The following NRXN1 variants were observed in gnomAD, a reference collection of about 807,000 sequenced individuals.
The protein encoded by NRXN1 is neurexin 1.
Under a neutral mutation model 150.9 loss-of-function variants are expected in NRXN1, and 39 were observed. The ratio of observed to expected loss-of-function variants is 0.26; its 90% CI spans 0.20 to 0.34. The LOEUF (loss-of-function observed/expected upper bound fraction) is 0.34. NRXN1 is among the 10% of genes least tolerant of loss of function. The probability of loss-of-function intolerance (pLI) is 1.00; values close to 1 mark genes in which losing one functional copy is unlikely to be tolerated. For missense variants in NRXN1, 1,815 were observed against 1,949.9 expected (o/e 0.93, Z 1.30); for synonymous variants, 924 against 757.0 (o/e 1.22, Z -3.62).
intron 18 of NRXN1, among the ~76,000 whole-genome samples, chr2:50,173,956 T>C (rs1318864394): frequency 1.3e-5 from 2 of 152,120 alleles, no homozygotes; most frequent in Non-Finnish European, 2.9e-5. Context: ...TTAACATGCA[T>C]ATGCACTAAG....
At chr2:50,876,946 TATA>T (rs1411072631) in intron 5 of NRXN1, among the ~76,000 whole-genome samples, 1 of 151,912 alleles carries the variant, frequency 6.6e-6, no homozygotes, top group Non-Finnish European at 1.5e-5. Flanking sequence ...GTTAAAATCT[TATA>T]ATATTTTTAA....
chr2:50,333,404 T>G (rs2076958455), intron 17 of NRXN1, among the ~76,000 whole-genome samples: 1 of 152,128 alleles, frequency 6.6e-6, no homozygotes, highest in Non-Finnish European at 1.5e-5. Context: ...TGTGTAAACC[T>G]TGAAATCTCT....
intron 19 of NRXN1, among the ~76,000 whole-genome samples, chr2:50,056,677 T>A (rs956114345): frequency 6.6e-6 from 1 of 152,110 alleles, no homozygotes; most frequent in Non-Finnish European, 1.5e-5. Flanking sequence ...TATGCATATT[T>A]GGAATTTTTT....
chr2:51,020,305 G>A (rs1415731686), intron 2 of NRXN1, among the ~76,000 whole-genome samples: 3 of 151,562 alleles, frequency 2.0e-5, no homozygotes, highest in Middle Eastern at 6.9e-3. Flanking sequence ...TATAATTGCT[G>A]CCTTAAAGCA....
At chr2:50,638,005 T>C (rs186819513) in intron 5 of NRXN1, among the ~76,000 whole-genome samples, 1 of 152,316 alleles carries the variant, frequency 6.6e-6, no homozygotes, top group African/African-American at 2.4e-5. Flanking sequence ...AAGCTTTATT[T>C]CAATTGTGCA....
chr2:50,520,032 C>T (rs1573374231), intron 12 of NRXN1, among the ~76,000 whole-genome samples: 1 of 151,784 alleles, frequency 6.6e-6, no homozygotes, highest in Non-Finnish European at 1.5e-5. Flanking sequence ...ATTCCTATAC[C>T]ATGGCTCTAT....
At chr2:50,776,354 C>T (rs1703635011) in intron 5 of NRXN1, among the ~76,000 whole-genome samples, 1 of 151,778 alleles carries the variant, frequency 6.6e-6, no homozygotes, top group Admixed American at 6.6e-5. Context: ...TTAACATGTC[C>T]CTGATTTGTC....
intron 21 of NRXN1, among the ~76,000 whole-genome samples, chr2:49,996,522 A>C (rs1273522789): frequency 6.6e-6 from 1 of 152,012 alleles, no homozygotes; most frequent in Non-Finnish European, 1.5e-5. Context: ...TATAATTAAG[A>C]CTCTTGAGTT....
chr2:50,817,801 C>A (rs938478016), intron 5 of NRXN1, among the ~76,000 whole-genome samples: 6 of 151,760 alleles, frequency 4.0e-5, no homozygotes, highest in Non-Finnish European at 8.8e-5. Context: ...TAAATTCAAC[C>A]CCTTTTCATG....
intron 10 of NRXN1, among the ~76,000 whole-genome samples, chr2:50,535,045 C>G (rs981772804): frequency 6.6e-6 from 1 of 152,122 alleles, no homozygotes; most frequent in South Asian, 2.1e-4. Flanking sequence ...GTGAAAATAA[C>G]TTGTTGATAA....
chr2:50,923,344 A>G (rs1342925830), intron 3 of NRXN1: 1 of 253,180 alleles, frequency 3.9e-6, no homozygotes. Context: ...ACACTAAAGC[A>G]ATTTTCCTCA....
intron 8 of NRXN1, among the ~76,000 whole-genome samples, chr2:50,598,511 CAT>C (rs1238993535): frequency 6.6e-6 from 1 of 151,030 alleles, no homozygotes; most frequent in Admixed American, 6.6e-5. Flanking sequence ...CATTTATACA[CAT>C]ACTTATAAGC....
chr2:50,132,757 A>C (rs528236735), intron 18 of NRXN1, among the ~76,000 whole-genome samples: 2 of 152,016 alleles, frequency 1.3e-5, no homozygotes, highest in South Asian at 2.1e-4. Flanking sequence ...TGGAAGGAAA[A>C]TTTGAGGAAA....
chr2:50,728,692 A>G (rs533396317), intron 5 of NRXN1, among the ~76,000 whole-genome samples: 46 of 152,206 alleles, frequency 3.0e-4, no homozygotes, highest in Non-Finnish European at 5.0e-4. Flanking sequence ...ATAGAGACAT[A>G]AAGCAAAACA....
chr2:50,045,886 T>C (rs1462193874), intron 21 of NRXN1, among the ~76,000 whole-genome samples: 1 of 152,174 alleles, frequency 6.6e-6, no homozygotes, highest in Non-Finnish European at 1.5e-5. Context: ...TCAAAAGAGA[T>C]ATCGAGAATC....
chr2:50,859,134 AT>A (rs1003230379), intron 5 of NRXN1, among the ~76,000 whole-genome samples: 10 of 151,414 alleles, frequency 6.6e-5, no homozygotes, highest in East Asian at 2.0e-4. Context: ...GTAAGGGTAC[AT>A]TTTTTTTTCC....
At chr2:50,695,844 T>TTC (rs914218065) in intron 5 of NRXN1, among the ~76,000 whole-genome samples, 3 of 148,980 alleles carry the variant, frequency 2.0e-5, no homozygotes, top group African/African-American at 7.4e-5. Context: ...GACTCTGATT[T>TTC]TTTTTTTTTT....
chr2:50,238,519 T>C (rs933437300), intron 17 of NRXN1, among the ~76,000 whole-genome samples: 1 of 152,016 alleles, frequency 6.6e-6, no homozygotes. Flanking sequence ...CTTGTATTTA[T>C]AGAAAAATAG....
chr2:50,551,109 G>GA (rs1165441278), intron 9 of NRXN1, among the ~76,000 whole-genome samples: 163 of 115,568 alleles, frequency 1.4e-3, no homozygotes, highest in Middle Eastern at 9.4e-3. Flanking sequence ...GAGGAGGGAG[G>GA]GGGAGGGGGA....
Sources: allele counts gnomAD v4.1 joint callset (sites outside exome capture counted in the v4.1 genomes callset), GRCh38; gene constraint gnomAD v4.1.1; transcripts MANE v1.5; gene names NCBI Gene and HGNC (gene_info 2026-07-23, HGNC 2026-07-21).